ARHGAP32: variants seen among roughly 807,000 people sequenced by gnomAD.
The protein encoded by ARHGAP32 is Rho GTPase activating protein 32.
ARHGAP32 carries 51 observed loss-of-function variants against 186.5 expected under a neutral mutation model. That is an observed-to-expected ratio of 0.27 (90% CI 0.22 to 0.35). ARHGAP32 has a LOEUF of 0.35. Among genes scored for constraint, ARHGAP32 ranks in the 10% least tolerant of loss-of-function variants. The probability of loss-of-function intolerance (pLI) is 1.00; values close to 1 mark genes in which losing one functional copy is unlikely to be tolerated. For missense variants in ARHGAP32, 2,186 were observed against 2,623.5 expected (o/e 0.83, Z 3.64); for synonymous variants, 950 against 964.3 (o/e 0.99, Z 0.27).
At chr11:128,980,523 T>C (rs1565353586) in intron 18 of ARHGAP32, 30 bp downstream of exon 18, 1 of 1,543,800 alleles carries the variant, frequency 6.5e-7, no homozygotes, top group East Asian at 2.3e-5. Flanking sequence ...ATGAAAATCA[T>C]ATCCCAAAAT....
At chr11:129,053,550 T>G (rs1312762168) in intron 10 of ARHGAP32, among the ~76,000 whole-genome samples, 8 of 152,214 alleles carry the variant, frequency 5.3e-5, no homozygotes. Flanking sequence ...TGCTCTGTTA[T>G]ATGCCTAAAA....
At chr11:129,236,375 G>A (rs1944935054) in intron 1 of ARHGAP32, among the ~76,000 whole-genome samples, 1 of 152,078 alleles carries the variant, frequency 6.6e-6, no homozygotes, top group African/African-American at 2.4e-5. Flanking sequence ...CTTCTTTTGA[G>A]AACTGTCTAT....
rs1032537355 is a variant in ARHGAP32, at chr11:129,037,462, C to A, written c.1045+3466G>T. Among the ~76,000 whole-genome samples, 15 of 151,966 alleles carry A rather than the reference C, an allele frequency of 9.9e-5. 1 individual carries two copies. The highest frequency in any genetic ancestry group is 7.9e-4 in the Admixed American group (12 of 15,278). The stretch of plus-strand genomic sequence containing the variant: ...GAACTATGATCACACCATCGCACTC[C>A]AGCCTGGGCAACAAAGCAAGACACT... On this transcript the variant is annotated intron_variant, in intron 11 of 22. Transcript: ENST00000682385.
intron 10 of ARHGAP32, among the ~76,000 whole-genome samples, chr11:129,043,373 C>CTTTTT (rs1162755786): frequency 1.2e-5 from 1 of 83,726 alleles, no homozygotes. Flanking sequence ...ATGCAAATTT[C>CTTTTT]TTTTTTTCTT....
At chr11:129,214,568 G>A (rs1340097560) in intron 1 of ARHGAP32, among the ~76,000 whole-genome samples, 3 of 152,148 alleles carry the variant, frequency 2.0e-5, no homozygotes, top group Non-Finnish European at 4.4e-5. Context: ...GGGCTTCCAG[G>A]AAGGTGTCTC....
At chr11:129,242,242 A>G (rs1273613957) in intron 1 of ARHGAP32, among the ~76,000 whole-genome samples, 1 of 152,084 alleles carries the variant, frequency 6.6e-6, no homozygotes, top group African/African-American at 2.4e-5. Context: ...TACTTACTCA[A>G]CCCCGCAAGT....
At chr11:129,153,942 A>G (rs965747331) in intron 2 of ARHGAP32, among the ~76,000 whole-genome samples, 9 of 152,208 alleles carry the variant, frequency 5.9e-5, no homozygotes, top group Non-Finnish European at 1.3e-4. Context: ...CAGAGAAAAT[A>G]GACAACTAAC....
intron 1 of ARHGAP32, among the ~76,000 whole-genome samples, chr11:129,197,666 A>G (rs890152073): frequency 6.6e-6 from 1 of 152,224 alleles, no homozygotes; most frequent in African/African-American, 2.4e-5. Flanking sequence ...TCCTTCTAAA[A>G]TATTTCCAAT....
In ARHGAP32 at chr11:129,201,672, A is replaced by G. The variant is rs536904577; in HGVS notation, c.-4-37245T>C. Among the ~76,000 whole-genome samples the G allele has an allele frequency of 3.9e-5, 6 of 152,318 alleles. No individual in the cohort carries two copies. In the South Asian group the frequency reaches 1.2e-3, roughly 32 times the overall value. On this transcript the variant is annotated intron_variant, in intron 1 of 6. Coordinates refer to the ARHGAP32 transcript ENST00000525234. ...AATACAACATTTACATGTAGTGGTT[A>G]CATGAAAACAAAAAAAACAAAAACA...
rs549380579 is a variant in ARHGAP32 at position 129,013,888 on chromosome 11, G to A, written c.1046-15420C>T. ...ATTCTATCAGAAGATTTCTACTGAC[G>A]AAGGCAGGATGTGGGGTTAGATGAT... is the stretch of plus-strand genomic sequence containing the variant. On this transcript the variant is annotated intron_variant, in intron 11 of 22. Transcript: ENST00000682385. 1.8e-4 allele frequency among the ~76,000 whole-genome samples: 27 copies of A among 152,226 alleles called. No homozygotes were observed. The South Asian group carries it at 5.0e-3, about 28-fold the overall frequency.
At chr11:129,019,696 G>A (rs1938512963) in intron 11 of ARHGAP32, among the ~76,000 whole-genome samples, 1 of 152,048 alleles carries the variant, frequency 6.6e-6, no homozygotes, top group Non-Finnish European at 1.5e-5. Flanking sequence ...ACAGTTGTGT[G>A]TGTGGTAAAA....
chr11:129,100,178 T>C (rs1380324938), intron 5 of ARHGAP32, among the ~76,000 whole-genome samples: 1 of 152,202 alleles, frequency 6.6e-6, no homozygotes, highest in Non-Finnish European at 1.5e-5. Context: ...AGAGCACATT[T>C]AGGAGTGGTC....
chr11:128,985,192 A>T (rs1307579018), intron 15 of ARHGAP32, among the ~76,000 whole-genome samples: 1 of 152,066 alleles, frequency 6.6e-6, no homozygotes, highest in Non-Finnish European at 1.5e-5. Context: ...CTAATTTTGT[A>T]GTTTTAGTAG....
At position 129,066,607 on chromosome 11, in the gene ARHGAP32, C is replaced by A. The variant is rs764096670; in HGVS notation, c.669+124G>T. The A allele has an allele frequency of 5.0e-6, 4 of 794,414 alleles. No individual in the cohort carries two copies. The South Asian group carries it at 1.7e-4, about 33-fold the overall frequency. The allele number at this position is 794,414 out of a possible 1,614,324, so 49.2% of individuals were successfully genotyped here. A position where few individuals can be genotyped will look rare whatever the true frequency, so the allele number is the denominator to read the frequency against. ...CATTACTAACTTTTCAGTTATGAAACAGGCAAGTAGTCCCAGGAATCACCC... is the reference window on the plus strand; with the variant it reads ...CATTACTAACTTTTCAGTTATGAAAAAGGCAAGTAGTCCCAGGAATCACCC... On this transcript the variant is annotated intron_variant, in intron 7 of 22. Coordinates refer to ENST00000682385, the MANE Select transcript of ARHGAP32 (RefSeq NM_001378024.1).
At chr11:129,055,106 T>C (rs1940197432) in intron 10 of ARHGAP32, among the ~76,000 whole-genome samples, 1 of 152,220 alleles carries the variant, frequency 6.6e-6, no homozygotes, top group Non-Finnish European at 1.5e-5. Flanking sequence ...AAACATAGCC[T>C]CCTTTAAACA....
At chr11:128,985,471 T>C (rs1326590389) in intron 15 of ARHGAP32, among the ~76,000 whole-genome samples, 3 of 152,216 alleles carry the variant, frequency 2.0e-5, no homozygotes, top group Admixed American at 6.5e-5. Context: ...CTTTGCATAC[T>C]GGAATCTAGT....
At chr11:128,976,747 T>C (rs1319911752) in intron 19 of ARHGAP32, 113 bp from the exon 20 acceptor site, 4 of 852,778 alleles carry the variant, frequency 4.7e-6, no homozygotes, top group Non-Finnish European at 7.8e-6. Context: ...TAGCTGTACA[T>C]TTTGACAGCA....
intron 1 of ARHGAP32, among the ~76,000 whole-genome samples, chr11:129,233,582 C>T (rs1406349945): frequency 1.3e-5 from 2 of 149,866 alleles, no homozygotes; most frequent in Admixed American, 6.7e-5. Context: ...CACAACTGAA[C>T]GTGTACAAGA....
At chr11:129,260,191 T>C (rs143375139) in intron 1 of ARHGAP32, among the ~76,000 whole-genome samples, 3 of 152,298 alleles carry the variant, frequency 2.0e-5, no homozygotes, top group East Asian at 1.9e-4. Flanking sequence ...ACTTCAACCA[T>C]AAATTATTAA....
Sources: allele counts gnomAD v4.1 joint callset (sites outside exome capture counted in the v4.1 genomes callset), GRCh38; gene constraint gnomAD v4.1.1; transcripts MANE v1.5; gene names NCBI Gene and HGNC (gene_info 2026-07-23, HGNC 2026-07-21).